UBAP2: variants seen among roughly 807,000 people sequenced by gnomAD.
UBAP2 encodes the protein ubiquitin associated protein 2, also known as ubiquitin-associated protein 2.
In UBAP2, 75 loss-of-function variants were observed where a neutral mutation model predicts 139.6. The ratio of observed to expected loss-of-function variants is 0.54; its 90% CI spans 0.45 to 0.65. The LOEUF (loss-of-function observed/expected upper bound fraction) is 0.65. UBAP2 is among the 30% of genes least tolerant of loss of function. UBAP2 has a pLI of 0.00. For missense variants in UBAP2, 1,368 were observed against 1,369.6 expected (o/e 1.00, Z 0.02); for synonymous variants, 526 against 526.2 (o/e 1.00, Z 0.01).
chr9:33,944,472 G>C lies in UBAP2; in HGVS notation c.1438C>G (p.Leu480Val). Residue 480 changes from leucine (L) to valine (V), a missense_variant, in exon 14 of 29, where the codon CTT (leucine) becomes GTT (valine). Transcript: ENST00000379238. ...ATGGTCGTGCTGGGAAGCTGCAAAA[G>C]CTTGTTCACAGTGGAGGGACTGTCT... ...PGDSPSTVNK[L>V]LQLPSTTIEN... 4 of 1,614,112 alleles carry C rather than the reference G, an allele frequency of 2.5e-6. No homozygotes were observed. The highest frequency in any genetic ancestry group is 2.5e-6 in the Non-Finnish European group (3 of 1,180,030).
At chr9:33,957,149 T>G (rs1451875673) in intron 10 of UBAP2, among the ~76,000 whole-genome samples, 1 of 151,998 alleles carries the variant, frequency 6.6e-6, no homozygotes, top group Non-Finnish European at 1.5e-5. Flanking sequence ...CGATGTTTTC[T>G]CCCCCCAAAG....
At chr9:34,037,862 G>A (rs1434213246) in intron 1 of UBAP2, among the ~76,000 whole-genome samples, 1 of 151,890 alleles carries the variant, frequency 6.6e-6, no homozygotes, top group African/African-American at 2.4e-5. Flanking sequence ...ATGGGAAAGA[G>A]GCTATAAAAA....
intron 3 of UBAP2, 102 bp from the exon 4 acceptor site, chr9:33,996,435 A>T: frequency 1.3e-6 from 1 of 783,768 alleles, no homozygotes; most frequent in Non-Finnish European, 2.1e-6. Flanking sequence ...CTTCTACATG[A>T]AGATGGCCTC....
chr9:34,003,209 T>C (rs1014139615), intron 2 of UBAP2, among the ~76,000 whole-genome samples: 3 of 151,732 alleles, frequency 2.0e-5, no homozygotes, highest in Non-Finnish European at 4.4e-5. Context: ...ATTTTTGGTT[T>C]TGGTAGAGAC....
chr9:33,991,904 G>A (rs1427791473), intron 4 of UBAP2, among the ~76,000 whole-genome samples: 1 of 152,164 alleles, frequency 6.6e-6, no homozygotes, highest in Non-Finnish European at 1.5e-5. Flanking sequence ...TCTTTATAAA[G>A]GGGCCAGCTG....
chr9:33,923,696 A>T, intron 24 of UBAP2, 99 bp downstream of exon 24: 1 of 1,314,646 alleles, frequency 7.6e-7, no homozygotes, highest in Non-Finnish European at 1.1e-6. Context: ...GACGGAGTGG[A>T]ATCACAACCC....
In UBAP2 at chr9:33,989,141, G is replaced by A. The variant is rs569647928; in HGVS notation, c.289-15C>T. The stretch of plus-strand genomic sequence containing the variant: ...TCCCATGAAGTCTATCAGAGAGAAC[G>A]GCTGTTAATCATTTATCATTCAAAG... On this transcript the variant is annotated splice_polypyrimidine_tract_variant and intron_variant, in intron 4 of 28. Transcript: ENST00000379238. 50 of 1,590,026 alleles carry A rather than the reference G, an allele frequency of 3.1e-5. No individual in the cohort carries two copies. The highest frequency in any genetic ancestry group is 5.8e-5 in the South Asian group (5 of 86,300).
rs1823546465 is a variant in UBAP2, at chr9:34,009,410, T to A, written c.99+7640A>T. Reference sequence around the variant, plus strand: ...CACCACACCTGGCCAAAAAGGTTTTTTTCTTATAAATTTTTTAAAAAATAT... The same window carrying A: ...CACCACACCTGGCCAAAAAGGTTTTATTCTTATAAATTTTTTAAAAAATAT... On this transcript the variant is annotated intron_variant, in intron 2 of 28. Coordinates refer to ENST00000379238, the MANE Select transcript of UBAP2 (RefSeq NM_001370062.2). Among the ~76,000 whole-genome samples the A allele has an allele frequency of 2.0e-5, 3 of 152,132 alleles. No individual in the cohort carries two copies. The South Asian group carries it at 6.2e-4, about 32-fold the overall frequency.
rs1173781682 is a variant in UBAP2 at position 33,980,220 on chromosome 9, C to CTTTTTTTTTTTTTTT, written c.520+6525_520+6539dup. Among the ~76,000 whole-genome samples the CTTTTTTTTTTTTTTT allele has an allele frequency of 2.0e-3, 96 of 49,136 alleles. 31 individuals carry two copies. Among genetic ancestry groups the CTTTTTTTTTTTTTTT allele is most frequent in the Non-Finnish European group, 2.5e-3 (70 of 27,464 alleles). 32.2% of individuals were successfully genotyped at this position (49,136 alleles called of 152,430 possible). On this transcript the variant is annotated intron_variant, in intron 6 of 28. Coordinates refer to ENST00000379238, the MANE Select transcript of UBAP2 (RefSeq NM_001370062.2). ...TTAATCCAAATCCTGAGTGTCATTT[C>CTTTTTTTTTTTTTTT]TTTTTTTTTTTTTTTTTTTTTTTTT...
intron 6 of UBAP2, among the ~76,000 whole-genome samples, chr9:33,979,911 A>G (rs1820487518): frequency 1.3e-5 from 2 of 150,906 alleles, no homozygotes; most frequent in African/African-American, 4.9e-5. Flanking sequence ...ATCTCTACTA[A>G]AAATACAAAA....
At chr9:34,037,675 G>A (rs1040696389) in intron 1 of UBAP2, among the ~76,000 whole-genome samples, 1 of 152,076 alleles carries the variant, frequency 6.6e-6, no homozygotes, top group African/African-American at 2.4e-5. Context: ...CTTATCAGAT[G>A]ACCTGACTGG....
At chr9:33,935,931 C>G in intron 16 of UBAP2, 53 bp from the exon 17 acceptor site, 1 of 1,555,748 alleles carries the variant, frequency 6.4e-7, no homozygotes, top group Non-Finnish European at 8.7e-7. Context: ...AAATCATTAC[C>G]TGAGTGGCTT....
chr9:33,999,873 T>G lies in UBAP2; in HGVS notation c.100-1009A>C, dbSNP rs1055551529. 1.1e-4 allele frequency among the ~76,000 whole-genome samples: 8 copies of G among 72,320 alleles called. No individual in the cohort carries two copies. In the South Asian group the frequency reaches 2.6e-3, roughly 24 times the overall value. The allele number at this position is 72,320 out of a possible 152,430, so 47.4% of individuals were successfully genotyped here. On this transcript the variant is annotated intron_variant, in intron 2 of 28. Transcript: ENST00000379238. ...TACTACGTATGTATGTATGTATGTA[T>G]GTATGTATGTATGTATGTATGTATG...
chr9:33,952,707 C>G (rs562861210), intron 12 of UBAP2: 1 of 154,458 alleles, frequency 6.5e-6, no homozygotes, highest in Admixed American at 6.6e-5. Context: ...GGGGTACTTT[C>G]AATCTCAAGA....
chr9:33,996,250 A>G lies in UBAP2; in HGVS notation c.261T>C (p.Asn87=), dbSNP rs755428513. 1.2e-5 allele frequency: 19 copies of G among 1,613,246 alleles called. No individual in the cohort carries two copies. Among genetic ancestry groups the G allele is most frequent in the Non-Finnish European group, 1.6e-5 (19 of 1,179,594 alleles). The part of the protein sequence containing the change: ...DCNGDVNKAI[N]ILLEGNSDTT... ...TGTCTGAATTCCCTTCCAGCAATAT[A>G]TTGATAGCTTTGTTCACATCTCCAT... The change falls in exon 4 of 29, where the codon AAT becomes AAC. Residue 87 remains asparagine, a synonymous_variant. Transcript: ENST00000379238.
chr9:33,986,115 A>T (rs1203214209), intron 6 of UBAP2, among the ~76,000 whole-genome samples: 1 of 149,592 alleles, frequency 6.7e-6, no homozygotes, highest in East Asian at 2.1e-4. Context: ...TGCAGTGAGG[A>T]GATCTCGGCT....
At chr9:34,017,573 G>A (rs1824481974) in intron 1 of UBAP2, among the ~76,000 whole-genome samples, 1 of 152,158 alleles carries the variant, frequency 6.6e-6, no homozygotes, top group Admixed American at 6.6e-5. Flanking sequence ...AATTTAAAAT[G>A]TGTCAAGAAA....
chr9:33,922,737 G>C lies in UBAP2; in HGVS notation c.3214C>G (p.Gln1072Glu), dbSNP rs989582656. The part of the protein sequence containing the change: ...PPFLHILPAH[Q>E]QPHSQLLHHH... ...TGCAGCAGCTGTGAGTGGGGCTGCTGGTGGGCTGGCAAGATGTGTAGGAAT... is the reference window on the plus strand; with the variant it reads ...TGCAGCAGCTGTGAGTGGGGCTGCTCGTGGGCTGGCAAGATGTGTAGGAAT... The change falls in exon 28 of 29, where the codon CAG becomes GAG. Residue 1072 changes from glutamine (Q) to glutamate (E), a missense_variant. Transcript: ENST00000379238. 2 of 1,553,470 alleles carry C rather than the reference G, an allele frequency of 1.3e-6. No homozygotes were observed. Among genetic ancestry groups the C allele is most frequent in the Non-Finnish European group, 1.7e-6 (2 of 1,150,448 alleles).
chr9:34,046,643 C>CAAAA (rs59971755), intron 1 of UBAP2, among the ~76,000 whole-genome samples: 14 of 122,340 alleles, frequency 1.1e-4, no homozygotes, highest in East Asian at 2.2e-4. Flanking sequence ...GACTCCATCT[C>CAAAA]AAAAAAAAAA....
Sources: gnomAD v4.1 joint callset for allele counts (sites outside exome capture counted in the v4.1 genomes callset) on GRCh38, gnomAD v4.1.1 for gene constraint, MANE v1.5 for transcripts, NCBI Gene and HGNC (gene_info 2026-07-23, HGNC 2026-07-21) for gene names.